The following HTRA3 variants were observed in gnomAD, a reference collection of about 807,000 sequenced individuals.
HTRA3 encodes HtrA serine peptidase 3, also known as serine protease HTRA3.
Under a neutral mutation model 43.2 loss-of-function variants are expected in HTRA3, and 41 were observed. That is an observed-to-expected ratio of 0.95 (90% CI 0.74 to 1.23). The LOEUF is 1.23. Among genes scored for constraint, HTRA3 ranks in the 50% most tolerant of loss-of-function variants. The pLI is 0.00. For missense variants in HTRA3, 628 were observed against 647.1 expected, an observed-to-expected ratio of 0.97 and a Z score of 0.32; for synonymous variants, 295 against 287.9, an observed-to-expected ratio of 1.02 and a Z score of -0.25.
intron 6 of HTRA3, among the ~76,000 whole-genome samples, chr4:8,302,017 A>G (rs1713670565): frequency 6.6e-6 from 1 of 152,216 alleles, no homozygotes; most frequent in Admixed American, 6.5e-5. Flanking sequence ...GGCCTGGCAC[A>G]TGGTTAGTAC....
chr4:8,301,308 T>G (rs184914670), intron 6 of HTRA3, among the ~76,000 whole-genome samples: 5 of 148,518 alleles, frequency 3.4e-5, no homozygotes, highest in Non-Finnish European at 5.9e-5. Flanking sequence ...TTATTATTGA[T>G]TCACACTCAT....
Position 8,279,005 on chromosome 4 carries a change from C to G in HTRA3, c.386-3432C>G, listed in dbSNP as rs1440302294. ...TCCTCCCCTCCTCTCTCCGCCCCTC[C>G]TCCCCCTCCATCCCTTCCCTCTGAA... On this transcript the variant is annotated intron_variant, in intron 1 of 8. Transcript: ENST00000307358. This position sits in a 1 kb window ranked among gnomAD's most constrained non-coding sequence, Gnocchi z 7.4. Among the ~76,000 whole-genome samples the G allele has an allele frequency of 6.6e-6, 1 of 152,160 alleles. No individual in the cohort carries two copies. Among genetic ancestry groups the G allele is most frequent in the Non-Finnish European group, 1.5e-5 (1 of 68,026 alleles).
rs1217895644 is a variant in HTRA3, at chr4:8,306,459, C to G, written c.*323C>G. 7.8e-6 allele frequency: 2 copies of G among 257,806 alleles called. No homozygotes were observed. The highest frequency in any genetic ancestry group is 2.3e-5 in the African/African-American group (1 of 44,400). 16.0% of individuals were successfully genotyped at this position (257,806 alleles called of 1,614,324 possible). A position where few individuals can be genotyped will look rare whatever the true frequency, so the allele number is the denominator to read the frequency against. On this transcript the variant is annotated 3_prime_UTR_variant, in exon 9 of 9. Coordinates refer to ENST00000307358, the MANE Select transcript of HTRA3 (RefSeq NM_053044.5). The surrounding 1 kb of genome is among the most constrained non-coding windows in gnomAD (Gnocchi z 8.9). ...CCTCTCCTAGCTTCCCGCCTCTGCC[C>G]CTGTGAACACCCATCTGCAGTATCC...
intron 6 of HTRA3, among the ~76,000 whole-genome samples, chr4:8,299,841 CTTTT>C (rs34414197): frequency 1.4e-5 from 2 of 140,706 alleles, no homozygotes; most frequent in Non-Finnish European, 1.5e-5. Flanking sequence ...ATGTATTATC[CTTTT>C]TTTTTTTTTT....
At position 8,282,521 on chromosome 4, in the gene HTRA3, T is replaced by A. The variant is rs1203244783; in HGVS notation, c.470T>A (p.Ile157Lys). ...AAGATCGCACCAGCCGTGGTCCACA[T>A]AGAGCTCTTCCTGAGGTGGGTGAAT... ...VEKIAPAVVH[I>K]ELFLRHPLFG... is the part of the protein sequence containing the mutation. Residue 157 changes from isoleucine (I) to lysine (K), a missense_variant, in exon 2 of 9, where the codon ATA becomes AAA. Physicochemically the swap from Ile to Lys is moderately radical, Grantham distance 102. Coordinates refer to ENST00000307358, the MANE Select transcript of HTRA3 (RefSeq NM_053044.5). 1.9e-6 allele frequency: 3 copies of A among 1,613,662 alleles called. No individual in the cohort carries two copies. The highest frequency in any genetic ancestry group is 2.2e-5 in the South Asian group (2 of 91,072).
At chr4:8,305,296 C>T (rs1713796524) in intron 8 of HTRA3, among the ~76,000 whole-genome samples, 1 of 152,266 alleles carries the variant, frequency 6.6e-6, no homozygotes, top group African/African-American at 2.4e-5. Context: ...CTGCCCGCAG[C>T]AGGCCTGCAG....
In HTRA3 at chr4:8,286,478, C is replaced by T. The variant is rs1186219837; in HGVS notation, c.486-83C>T. 1.8e-5 allele frequency: 20 copies of T among 1,111,818 alleles called. No individual in the cohort carries two copies. Among genetic ancestry groups the T allele is most frequent in the Non-Finnish European group, 2.2e-5 (16 of 738,858 alleles). 68.9% of individuals were successfully genotyped at this position (1,111,818 alleles called of 1,614,324 possible). On this transcript the variant is annotated intron_variant, in intron 2 of 8. Coordinates refer to ENST00000307358, the MANE Select transcript of HTRA3 (RefSeq NM_053044.5). This position sits in a 1 kb window ranked among gnomAD's most constrained non-coding sequence, Gnocchi z 4.9. ...TCAGCCACACACTGGCTCTGCTCCT[C>T]GCTGACCAGCCCCACCACTGCGCCT...
chr4:8,277,647 C>A (rs564778131), intron 1 of HTRA3, among the ~76,000 whole-genome samples: 9 of 152,324 alleles, frequency 5.9e-5, no homozygotes, highest in African/African-American at 2.2e-4. Flanking sequence ...GGAGCCTGCA[C>A]GCGCAGGAAG....
Position 8,297,718 on chromosome 4 carries a change from G to A in HTRA3, c.1051+3517G>A, listed in dbSNP as rs1273727190. Among the ~76,000 whole-genome samples the A allele has an allele frequency of 6.6e-6, 1 of 152,102 alleles. No homozygotes were observed. Among genetic ancestry groups the A allele is most frequent in the South Asian group, 2.1e-4 (1 of 4,834 alleles). ...CCCATGTCCCAGGTGGGCTGTGCAG[G>A]TCCTGTCGAGGATCCCACCCCCTGG... On this transcript the variant is annotated intron_variant, in intron 6 of 8. Transcript: ENST00000307358. The surrounding 1 kb of genome is among the most constrained non-coding windows in gnomAD (Gnocchi z 5.8).
chr4:8,272,350 C>T (rs1259986723), intron 1 of HTRA3, among the ~76,000 whole-genome samples: 2 of 152,156 alleles, frequency 1.3e-5, no homozygotes, highest in African/African-American at 4.8e-5. Context: ...ATAGTCTTAT[C>T]CCCAGAGACA....
At position 8,295,386 on chromosome 4, in the gene HTRA3, C is replaced by T. The variant is rs993655799; in HGVS notation, c.1051+1185C>T. Among the ~76,000 whole-genome samples the T allele has an allele frequency of 6.6e-6, 1 of 151,982 alleles. No homozygotes were observed. The highest frequency in any genetic ancestry group is 2.4e-5 in the African/African-American group (1 of 41,378). ...CACCCCATCAAAAAGGGATACCCAG[C>T]CCACCCTGCCCACTCCTAGATTGCC... is the stretch of plus-strand genomic sequence containing the variant. On this transcript the variant is annotated intron_variant, in intron 6 of 8. Coordinates refer to ENST00000307358, the MANE Select transcript of HTRA3 (RefSeq NM_053044.5). This position sits in a 1 kb window ranked among gnomAD's most constrained non-coding sequence, Gnocchi z 6.9.
chr4:8,297,371 A>T lies in HTRA3; in HGVS notation c.1051+3170A>T, dbSNP rs1369795299. On this transcript the variant is annotated intron_variant, in intron 6 of 8. Coordinates refer to ENST00000307358, the MANE Select transcript of HTRA3 (RefSeq NM_053044.5). The surrounding 1 kb of genome is among the most constrained non-coding windows in gnomAD (Gnocchi z 5.8). Reference sequence around the variant, plus strand: ...CAGGCCTCTGCTTTCCCGCCCGCACAGTGGGTCTAAGTCAGAGGGGACCAC... The same window carrying T: ...CAGGCCTCTGCTTTCCCGCCCGCACTGTGGGTCTAAGTCAGAGGGGACCAC... Among the ~76,000 whole-genome samples the T allele has an allele frequency of 6.6e-6, 1 of 152,098 alleles. No homozygotes were observed. Among genetic ancestry groups the T allele is most frequent in the Non-Finnish European group, 1.5e-5 (1 of 68,006 alleles).
At chr4:8,272,987 G>A (rs1030459325) in intron 1 of HTRA3, among the ~76,000 whole-genome samples, 6 of 152,226 alleles carry the variant, frequency 3.9e-5, no homozygotes, top group African/African-American at 1.2e-4. Context: ...CACTCCCTGT[G>A]GAGGCCTTGG....
intron 1 of HTRA3, among the ~76,000 whole-genome samples, chr4:8,275,557 G>T (rs1266071893): frequency 1.3e-5 from 2 of 152,208 alleles, no homozygotes; most frequent in African/African-American, 4.8e-5. Flanking sequence ...AGATCAGGAG[G>T]GCTTTCTGGA....
At chr4:8,301,990 C>T (rs1713669752) in intron 6 of HTRA3, among the ~76,000 whole-genome samples, 1 of 152,192 alleles carries the variant, frequency 6.6e-6, no homozygotes, top group African/African-American at 2.4e-5. Flanking sequence ...GTTGCGTGTG[C>T]AGTGCCCCAG....
intron 1 of HTRA3, 35 bp from the exon 2 acceptor site, chr4:8,282,402 C>T (rs1361603605): frequency 1.3e-6 from 2 of 1,525,452 alleles, no homozygotes; most frequent in African/African-American, 1.4e-5. Flanking sequence ...GCATCGTGAT[C>T]TCACTGATGC....
intron 7 of HTRA3, 35 bp downstream of exon 7, chr4:8,302,546 C>T: frequency 1.9e-6 from 3 of 1,605,698 alleles, no homozygotes; most frequent in Non-Finnish European, 1.7e-6. Flanking sequence ...CCTGCTACCC[C>T]TTCCTCTCAT....
intron 4 of HTRA3, 77 bp from the exon 5 acceptor site, chr4:8,292,244 A>C: frequency 2.4e-6 from 3 of 1,276,164 alleles, no homozygotes; most frequent in Non-Finnish European, 3.4e-6. Context: ...CACTGGTTAG[A>C]GGCAGATCTG....
At chr4:8,300,011 T>G (rs927132954) in intron 6 of HTRA3, among the ~76,000 whole-genome samples, 5 of 152,176 alleles carry the variant, frequency 3.3e-5, no homozygotes, top group African/African-American at 1.2e-4. Context: ...AGCTAATTTT[T>G]GTATTTTTAG....
Sources: allele counts gnomAD v4.1 joint callset (sites outside exome capture counted in the v4.1 genomes callset), GRCh38; gene constraint gnomAD v4.1.1; non-coding constraint Gnocchi (gnomAD v3.1); transcripts MANE v1.5; gene names NCBI Gene and HGNC (gene_info 2026-07-23, HGNC 2026-07-21).